Variants in ST8SIA2 observed in about 807,000 individuals in gnomAD.
ST8SIA2 encodes the protein alpha-2,8-sialyltransferase 8B.
In ST8SIA2, 22 loss-of-function variants were observed where a neutral mutation model predicts 37.6. That is an observed-to-expected ratio of 0.58 (90% CI 0.42 to 0.83). The LOEUF is 0.83. Ranked by LOEUF, ST8SIA2 falls within the 40% of genes least tolerant of loss-of-function variation. The pLI, the probability that ST8SIA2 is intolerant of heterozygous loss-of-function variation, is 0.00. For synonymous variants in ST8SIA2, 205 were observed against 201.2 expected, an observed-to-expected ratio of 1.02 and a Z score of -0.16; for missense variants, 382 against 484.7, an observed-to-expected ratio of 0.79 and a Z score of 1.99.
chr15:92,440,528 G>A (rs1235656377), intron 4 of ST8SIA2, among the ~76,000 whole-genome samples: 1 of 152,198 alleles, frequency 6.6e-6, no homozygotes, highest in Non-Finnish European at 1.5e-5. Flanking sequence ...AAATGCCAAG[G>A]AGCAAGTTAC....
At chr15:92,442,524 C>G (rs1596244817) in intron 4 of ST8SIA2, among the ~76,000 whole-genome samples, 1 of 152,210 alleles carries the variant, frequency 6.6e-6, no homozygotes. Context: ...TCCATCTGAA[C>G]TGCATGGAGT....
Position 92,464,031 on chromosome 15 carries a change from G to A in ST8SIA2, c.843-69G>A, listed in dbSNP as rs182502801. 104 of 1,498,168 alleles carry A rather than the reference G, an allele frequency of 6.9e-5. No individual in the cohort carries two copies. In the African/African-American group the frequency reaches 1.5e-3, roughly 21 times the overall value. The allele number at this position is 1,498,168 out of a possible 1,614,324, so 92.8% of individuals were successfully genotyped here. On this transcript the variant is annotated intron_variant, in intron 5 of 5. Coordinates refer to ENST00000268164, the MANE Select transcript of ST8SIA2 (RefSeq NM_006011.4). ...GGCTGCTGGGCAGGATAAAATTTTT[G>A]TCTTCCTGGAAAGGATGACTCACAG...
intron 5 of ST8SIA2, among the ~76,000 whole-genome samples, chr15:92,448,075 A>G (rs2049854876): frequency 1.3e-5 from 2 of 152,216 alleles, no homozygotes; most frequent in South Asian, 2.1e-4. Flanking sequence ...ATTTCCAGCT[A>G]TAACTGACTC....
intron 1 of ST8SIA2, among the ~76,000 whole-genome samples, chr15:92,427,977 G>C (rs964634570): frequency 6.6e-6 from 1 of 152,146 alleles, no homozygotes; most frequent in Admixed American, 6.5e-5. Flanking sequence ...AGGGAGACTC[G>C]GTCTCAAAAA....
chr15:92,459,240 T>A (rs1319487355), intron 5 of ST8SIA2, among the ~76,000 whole-genome samples: 3 of 152,192 alleles, frequency 2.0e-5, no homozygotes, highest in Non-Finnish European at 4.4e-5. Flanking sequence ...CTGGCCTGTG[T>A]TAGGGCTTGA....
intron 5 of ST8SIA2, among the ~76,000 whole-genome samples, chr15:92,446,746 A>T (rs911403979): frequency 6.6e-6 from 1 of 152,232 alleles, no homozygotes; most frequent in Non-Finnish European, 1.5e-5. Flanking sequence ...AAGGGACAAA[A>T]CAGCACCAGC....
At position 92,465,651 on chromosome 15, in the gene ST8SIA2, G is replaced by A. The variant is rs528459103; in HGVS notation, c.*1266G>A. 6.6e-6 allele frequency: 1 copy of A among 152,194 alleles called. No individual in the cohort carries two copies. The highest frequency in any genetic ancestry group is 2.1e-4 in the South Asian group (1 of 4,814). 9.4% of individuals were successfully genotyped at this position (152,194 alleles called of 1,614,324 possible). ...CTCCGACATTGAGGTTTTCATCTCT[G>A]CAGGGAGAGGTTCCAATGTCCACCC... On this transcript the variant is annotated 3_prime_UTR_variant, in exon 6 of 6. Transcript: ENST00000268164.
intron 5 of ST8SIA2, among the ~76,000 whole-genome samples, chr15:92,460,430 T>C (rs1055252620): frequency 2.0e-5 from 3 of 152,226 alleles, no homozygotes; most frequent in Admixed American, 1.3e-4. Flanking sequence ...CTCCCTGTTA[T>C]GGGACGTAGT....
intron 1 of ST8SIA2, among the ~76,000 whole-genome samples, chr15:92,402,568 A>G (rs2049479416): frequency 6.6e-6 from 1 of 152,158 alleles, no homozygotes; most frequent in Non-Finnish European, 1.5e-5. Context: ...AGCCTTGGAA[A>G]CACAAAGGTC....
At chr15:92,408,312 C>T (rs530174629) in intron 1 of ST8SIA2, among the ~76,000 whole-genome samples, 2 of 152,160 alleles carry the variant, frequency 1.3e-5, no homozygotes, top group South Asian at 4.2e-4. Flanking sequence ...TCCTCTGAAG[C>T]TCCCTACCTC....
chr15:92,431,014 A>T (rs548203756), intron 2 of ST8SIA2, among the ~76,000 whole-genome samples: 2 of 152,118 alleles, frequency 1.3e-5, no homozygotes, highest in Non-Finnish European at 2.9e-5. Context: ...GACTCGAGAA[A>T]CTGTTCCCTC....
chr15:92,452,666 G>A (rs1165508315), intron 5 of ST8SIA2, among the ~76,000 whole-genome samples: 1 of 152,240 alleles, frequency 6.6e-6, no homozygotes, highest in African/African-American at 2.4e-5. Flanking sequence ...GAGGCAGGCA[G>A]CAGACAGGTA....
At chr15:92,434,119 G>T in intron 2 of ST8SIA2, 128 bp from the exon 3 acceptor site, 1 of 1,315,946 alleles carries the variant, frequency 7.6e-7, no homozygotes, top group South Asian at 1.2e-5. Flanking sequence ...CTCTTCTCAG[G>T]TAATAACTGC....
chr15:92,400,774 G>T (rs1596227478), intron 1 of ST8SIA2, among the ~76,000 whole-genome samples: 1 of 152,268 alleles, frequency 6.6e-6, no homozygotes, highest in Middle Eastern at 3.4e-3. Context: ...TGGAAGGACA[G>T]CCGGCCCCGT....
chr15:92,441,212 G>A (rs1271400052), intron 4 of ST8SIA2, among the ~76,000 whole-genome samples: 1 of 152,234 alleles, frequency 6.6e-6, no homozygotes, highest in African/African-American at 2.4e-5. Flanking sequence ...TGTAAGTCCT[G>A]GTGGGACACA....
intron 1 of ST8SIA2, among the ~76,000 whole-genome samples, chr15:92,399,015 G>T (rs1429362102): frequency 1.3e-5 from 2 of 152,152 alleles, no homozygotes; most frequent in Non-Finnish European, 2.9e-5. Flanking sequence ...TGTCCCTCTA[G>T]TCCAGCTAAG....
intron 4 of ST8SIA2, among the ~76,000 whole-genome samples, chr15:92,444,425 T>C (rs956063098): frequency 2.0e-5 from 3 of 152,156 alleles, no homozygotes; most frequent in Non-Finnish European, 4.4e-5. Context: ...TCTAGCAAAG[T>C]TCTAGGTACA....
intron 1 of ST8SIA2, among the ~76,000 whole-genome samples, chr15:92,397,428 A>G (rs1213861553): frequency 6.6e-6 from 1 of 152,154 alleles, no homozygotes; most frequent in Admixed American, 6.5e-5. Flanking sequence ...CCAAAGTTCC[A>G]TTTCTGACTC....
intron 5 of ST8SIA2, among the ~76,000 whole-genome samples, chr15:92,452,634 C>T (rs1475927054): frequency 6.6e-6 from 1 of 152,198 alleles, no homozygotes; most frequent in African/African-American, 2.4e-5. Context: ...TACCTGGGCA[C>T]ACTGTTCTGA....
Sources: gnomAD v4.1 joint callset for allele counts (sites outside exome capture counted in the v4.1 genomes callset) on GRCh38, gnomAD v4.1.1 for gene constraint, MANE v1.5 for transcripts, NCBI Gene and HGNC (gene_info 2026-07-23, HGNC 2026-07-21) for gene names.